ZNF385B: variants seen among roughly 807,000 people sequenced by gnomAD.
ZNF385B encodes zinc finger protein 385B.
Under a neutral mutation model 39.2 loss-of-function variants are expected in ZNF385B, and 23 were observed. That is an observed-to-expected ratio of 0.59 (90% confidence interval 0.42 to 0.83). The LOEUF (loss-of-function observed/expected upper bound fraction) is 0.83, where lower values mean the gene tolerates loss of function less well. ZNF385B is among the 40% of genes least tolerant of loss of function. The pLI is 0.00. For synonymous variants in ZNF385B, 205 were observed against 222.6 expected (o/e 0.92, Z 0.70); for missense variants, 552 against 598.9 (o/e 0.92, Z 0.82).
intron 5 of ZNF385B, among the ~76,000 whole-genome samples, chr2:179,504,022 C>T (rs1212700403): frequency 6.8e-6 from 1 of 146,866 alleles, no homozygotes; most frequent in East Asian, 2.3e-4. Context: ...GCTATCCCTC[C>T]CCCCTCTCCC....
At chr2:179,584,797 A>T (rs1271477784) in intron 3 of ZNF385B, among the ~76,000 whole-genome samples, 1 of 152,206 alleles carries the variant, frequency 6.6e-6, no homozygotes, top group East Asian at 1.9e-4. Context: ...GGCATGACTC[A>T]GGCCAGAAGA....
At chr2:179,767,507 A>G (rs1016495193) in intron 3 of ZNF385B, among the ~76,000 whole-genome samples, 4 of 152,182 alleles carry the variant, frequency 2.6e-5, no homozygotes, top group African/African-American at 7.2e-5. Flanking sequence ...TAAATCAAAG[A>G]ATCTTTCTGA....
rs761928978 is a variant in ZNF385B at position 179,483,295 on chromosome 2, G to A, written c.692C>T (p.Thr231Ile). 6.2e-7 allele frequency: 1 copy of A among 1,613,970 alleles called. No homozygotes were observed. Among genetic ancestry groups the A allele is most frequent in the Non-Finnish European group, 8.5e-7 (1 of 1,179,926 alleles). ...ACCTGATTTGTCAGAGTTGTTGCCTGTGATTGGAGTGATGGAGCAGCTGGG... is the reference window on the plus strand; with the variant it reads ...ACCTGATTTGTCAGAGTTGTTGCCTATGATTGGAGTGATGGAGCAGCTGGG... ...ANPSCSITPI[T>I]GNNSDKSEDK... The change falls in exon 6 of 10, where the codon ACA becomes ATA. Residue 231 changes from threonine (T) to isoleucine (I), a missense_variant. Coordinates refer to ENST00000410066, the MANE Select transcript of ZNF385B (RefSeq NM_152520.6).
chr2:179,787,464 C>A (rs1705073386), intron 1 of ZNF385B, among the ~76,000 whole-genome samples: 1 of 152,022 alleles, frequency 6.6e-6, no homozygotes, highest in Admixed American at 6.6e-5. Flanking sequence ...AAAACCAATA[C>A]AATATCTCTT....
intron 3 of ZNF385B, among the ~76,000 whole-genome samples, chr2:179,700,475 T>C (rs1426632226): frequency 2.3e-5 from 3 of 127,988 alleles, no homozygotes; most frequent in African/African-American, 8.5e-5. Context: ...CTTGAGTAAA[T>C]GTTGCTTTCT....
chr2:179,502,419 G>A (rs2056848679), intron 5 of ZNF385B, among the ~76,000 whole-genome samples: 2 of 152,190 alleles, frequency 1.3e-5, no homozygotes, highest in South Asian at 4.1e-4. Flanking sequence ...TTGGAGGAGA[G>A]GCCTAATGGG....
rs916063192 is a variant in ZNF385B, at chr2:179,805,309, A to G, written c.-154-34637T>C. Among the ~76,000 whole-genome samples, 6 of 152,284 alleles carry G rather than the reference A, an allele frequency of 3.9e-5. No individual in the cohort carries two copies. The South Asian group carries it at 8.3e-4, about 21-fold the overall frequency. On this transcript the variant is annotated intron_variant, in intron 1 of 9. Transcript: ENST00000410066. ...GATGGTCCGGTCCAGCCAAGTCCCAAATGAATGCAACTCTAGGCATCATCA... is the reference window on the plus strand; with the variant it reads ...GATGGTCCGGTCCAGCCAAGTCCCAGATGAATGCAACTCTAGGCATCATCA...
chr2:179,802,425 T>G (rs1371331209), intron 1 of ZNF385B: 2 of 152,114 alleles, frequency 1.3e-5, no homozygotes, highest in South Asian at 2.1e-4. Context: ...CTCTACATCT[T>G]AACAGAAGGG....
At chr2:179,493,784 C>CATATATGTATACATATATGCATATGCAT (rs1559338478) in intron 5 of ZNF385B, among the ~76,000 whole-genome samples, 1 of 88,512 alleles carries the variant, frequency 1.1e-5, no homozygotes, top group Non-Finnish European at 2.4e-5. Flanking sequence ...TGTATATACA[C>CATATATGTATACATATATGCATATGCAT]ATATGTATAC....
intron 6 of ZNF385B, among the ~76,000 whole-genome samples, chr2:179,466,467 T>C (rs2052030609): frequency 6.6e-6 from 1 of 152,188 alleles, no homozygotes; most frequent in Non-Finnish European, 1.5e-5. Context: ...GCAAGATTTC[T>C]CTTGAAACTA....
At chr2:179,635,030 T>TA (rs1354021293) in intron 3 of ZNF385B, among the ~76,000 whole-genome samples, 1 of 145,874 alleles carries the variant, frequency 6.9e-6, no homozygotes, top group Non-Finnish European at 1.5e-5. Context: ...TATTCCCAGC[T>TA]ACTTGGGAGG....
At chr2:179,628,219 T>G (rs1229058635) in intron 3 of ZNF385B, among the ~76,000 whole-genome samples, 1 of 152,212 alleles carries the variant, frequency 6.6e-6, no homozygotes, top group Non-Finnish European at 1.5e-5. Context: ...GGTCCATATT[T>G]AACCTTCTCT....
At chr2:179,453,998 C>G (rs1450680537) in intron 6 of ZNF385B, among the ~76,000 whole-genome samples, 2 of 152,136 alleles carry the variant, frequency 1.3e-5, no homozygotes, top group Non-Finnish European at 2.9e-5. Flanking sequence ...ATGGAAAGCG[C>G]AAGAATCAGA....
rs573989457 is a variant in ZNF385B, at chr2:179,756,273, A to G, written c.298+13230T>C. On this transcript the variant is annotated intron_variant, in intron 3 of 9. Coordinates refer to ENST00000410066, the MANE Select transcript of ZNF385B (RefSeq NM_152520.6). ...TGGCTGGATATGAAATTCTGGGTTG[A>G]AAATTCTTTTCTTTAAGAATGTCAA... Among the ~76,000 whole-genome samples the G allele has an allele frequency of 2.1e-3, 324 of 152,304 alleles. 4 individuals are homozygous for G. Among genetic ancestry groups the G allele is most frequent in the African/African-American group, 7.5e-3 (311 of 41,558 alleles).
intron 3 of ZNF385B, among the ~76,000 whole-genome samples, chr2:179,665,464 C>T (rs1695025237): frequency 6.6e-6 from 1 of 152,120 alleles, no homozygotes; most frequent in Non-Finnish European, 1.5e-5. Context: ...CCATTTCTAC[C>T]CAGACATTTA....
At chr2:179,446,413 T>C (rs1341910400) in intron 7 of ZNF385B, 112 bp downstream of exon 7, 4 of 1,407,584 alleles carry the variant, frequency 2.8e-6, no homozygotes, top group Non-Finnish European at 2.8e-6. Context: ...ATCAAAAAAG[T>C]AGAGAAGCAT....
intron 1 of ZNF385B, among the ~76,000 whole-genome samples, chr2:179,799,003 A>C (rs1705860555): frequency 6.6e-6 from 1 of 151,978 alleles, no homozygotes; most frequent in African/African-American, 2.4e-5. Context: ...ATTTGGTGAT[A>C]TTTAGATATT....
intron 3 of ZNF385B, among the ~76,000 whole-genome samples, chr2:179,553,816 G>C (rs1003998781): frequency 1.5e-4 from 23 of 148,936 alleles, no homozygotes; most frequent in Admixed American, 1.5e-3. Context: ...TGGACATCTA[G>C]GCAGAAAAAA....
At chr2:179,509,099 A>G (rs1268829289) in intron 5 of ZNF385B, among the ~76,000 whole-genome samples, 1 of 152,038 alleles carries the variant, frequency 6.6e-6, no homozygotes, top group East Asian at 1.9e-4. Flanking sequence ...GGCACCCACC[A>G]CTACGCCAGA....
Sources: allele counts gnomAD v4.1 joint callset (sites outside exome capture counted in the v4.1 genomes callset), GRCh38; gene constraint gnomAD v4.1.1; transcripts MANE v1.5; gene names NCBI Gene and HGNC (gene_info 2026-07-23, HGNC 2026-07-21).